The following MOXD1 variants were observed in gnomAD, a reference collection of about 807,000 sequenced individuals.
MOXD1 encodes the protein DBH-like monooxygenase protein 1.
MOXD1 carries 62 observed loss-of-function variants against 66.6 expected under a neutral mutation model. The ratio of observed to expected loss-of-function variants is 0.93; its 90% CI spans 0.76 to 1.15. The LOEUF is 1.15. Ranked by LOEUF, MOXD1 falls within the 50% of genes most tolerant of loss-of-function variation. MOXD1 has a pLI of 0.00. For synonymous variants in MOXD1, 303 were observed against 281.9 expected, an observed-to-expected ratio of 1.07 and a Z score of -0.75; for missense variants, 847 against 754.6, an observed-to-expected ratio of 1.12 and a Z score of -1.44.
At chr6:132,362,917 G>A (rs1435517473) in intron 4 of MOXD1, among the ~76,000 whole-genome samples, 2 of 151,108 alleles carry the variant, frequency 1.3e-5, no homozygotes, top group Non-Finnish European at 2.9e-5. Context: ...TTACTTTAAA[G>A]ACTTCCTAAA....
chr6:132,344,147 T>C (rs1408965253), intron 4 of MOXD1, among the ~76,000 whole-genome samples: 1 of 152,188 alleles, frequency 6.6e-6, no homozygotes, highest in Non-Finnish European at 1.5e-5. Flanking sequence ...GTTAGGGCAT[T>C]TTACTTTTCA....
chr6:132,341,793 T>G (rs1775568826), intron 4 of MOXD1, among the ~76,000 whole-genome samples: 1 of 152,250 alleles, frequency 6.6e-6, no homozygotes, highest in Admixed American at 6.5e-5. Flanking sequence ...GCTCAAGTTT[T>G]GTTTTCCCTG....
At chr6:132,357,217 C>T (rs1376917365) in intron 4 of MOXD1, among the ~76,000 whole-genome samples, 1 of 151,984 alleles carries the variant, frequency 6.6e-6, no homozygotes, top group Non-Finnish European at 1.5e-5. Context: ...CATAAAATAT[C>T]TCTTAGCACT....
chr6:132,337,788 C>T lies in MOXD1; in HGVS notation c.664-9194G>A, dbSNP rs114657767. On this transcript the variant is annotated intron_variant, in intron 4 of 11. Coordinates refer to ENST00000367963, the MANE Select transcript of MOXD1 (RefSeq NM_015529.4). ...ATGAACTGTAAGGTACCTTCTGTAC[C>T]TATATTAGCATATATAGTAATTATC... Among the ~76,000 whole-genome samples, 324 of 152,192 alleles carry T rather than the reference C, an allele frequency of 2.1e-3. 2 individuals are homozygous for T. The highest frequency in any genetic ancestry group is 7.6e-3 in the African/African-American group (315 of 41,522).
At chr6:132,356,111 C>A (rs964486957) in intron 4 of MOXD1, among the ~76,000 whole-genome samples, 1 of 152,118 alleles carries the variant, frequency 6.6e-6, no homozygotes, top group South Asian at 2.1e-4. Flanking sequence ...ACGCAAAGGA[C>A]GCTTCTGAGT....
At chr6:132,357,559 TA>T (rs34627666) in intron 4 of MOXD1, among the ~76,000 whole-genome samples, 35,404 of 151,910 alleles carry the variant, frequency 0.23, 4,643 homozygotes, top group African/African-American at 0.35. Flanking sequence ...ATATACCATA[TA>T]AAAATCTAGT....
chr6:132,327,815 T>C (rs1775220570), intron 6 of MOXD1, among the ~76,000 whole-genome samples, 198 bp downstream of exon 6: 1 of 152,238 alleles, frequency 6.6e-6, no homozygotes, highest in South Asian at 2.1e-4. Context: ...GGTTTGGTGC[T>C]GGTTAATGCC....
chr6:132,341,295 C>G lies in MOXD1; in HGVS notation c.664-12701G>C, dbSNP rs141648595. ...AACAAGGTGCCATCTTGGAATCGGA[C>G]AATAGCTTTCACCAGACAGCAGACA... On this transcript the variant is annotated intron_variant, in intron 4 of 11. Coordinates refer to ENST00000367963, the MANE Select transcript of MOXD1 (RefSeq NM_015529.4). 2.1e-3 allele frequency among the ~76,000 whole-genome samples: 327 copies of G among 152,278 alleles called. 2 individuals are homozygous for G. The highest frequency in any genetic ancestry group is 7.4e-3 in the African/African-American group (307 of 41,560).
At chr6:132,397,158 G>A (rs1776901188) in intron 1 of MOXD1, among the ~76,000 whole-genome samples, 1 of 152,234 alleles carries the variant, frequency 6.6e-6, no homozygotes, top group African/African-American at 2.4e-5. Context: ...CCTGCCAAGA[G>A]CCAACATCAA....
intron 4 of MOXD1, among the ~76,000 whole-genome samples, chr6:132,358,754 T>C (rs1011061471): frequency 5.9e-5 from 9 of 152,168 alleles, no homozygotes. Context: ...ATTTTATTAA[T>C]AAAGGTAATT....
intron 4 of MOXD1, among the ~76,000 whole-genome samples, chr6:132,347,953 A>T (rs1775700353): frequency 6.6e-6 from 1 of 152,102 alleles, no homozygotes; most frequent in Non-Finnish European, 1.5e-5. Flanking sequence ...TCTCATTTAT[A>T]GAACAGTTCC....
intron 10 of MOXD1, among the ~76,000 whole-genome samples, chr6:132,305,850 C>A (rs939777360): frequency 6.6e-6 from 1 of 152,140 alleles, no homozygotes; most frequent in African/African-American, 2.4e-5. Flanking sequence ...ACAAAAACCC[C>A]ATCCAAGGGT....
rs568194738 is a variant in MOXD1 at position 132,397,227 on chromosome 6, A to G, written c.264+3936T>C. Reference sequence around the variant, plus strand: ...ATATTCTTCCAACCACCCACTTTGGAGTTGTCCCCACCAAATTTCAGACTT... The same window carrying G: ...ATATTCTTCCAACCACCCACTTTGGGGTTGTCCCCACCAAATTTCAGACTT... On this transcript the variant is annotated intron_variant, in intron 1 of 11. Transcript: ENST00000367963. Among the ~76,000 whole-genome samples the G allele has an allele frequency of 2.6e-5, 4 of 152,332 alleles. No individual in the cohort carries two copies. In the South Asian group the frequency reaches 6.2e-4, roughly 24 times the overall value.
chr6:132,362,618 T>C (rs547666831), intron 4 of MOXD1, among the ~76,000 whole-genome samples: 1 of 152,314 alleles, frequency 6.6e-6, no homozygotes, highest in African/African-American at 2.4e-5. Flanking sequence ...TAGTATTTCT[T>C]CTCATGAGTA....
chr6:132,337,155 C>G (rs2114600870), intron 4 of MOXD1, among the ~76,000 whole-genome samples: 1 of 152,330 alleles, frequency 6.6e-6, no homozygotes, highest in Non-Finnish European at 1.5e-5. Context: ...TTTATTTACT[C>G]AAGTTTTCCT....
intron 10 of MOXD1, among the ~76,000 whole-genome samples, chr6:132,305,254 A>G (rs75605169): frequency 0.017 from 2,659 of 152,320 alleles, 77 homozygotes; most frequent in African/African-American, 0.059. Context: ...GCAGTCTTCC[A>G]CCAGAATGCC....
intron 1 of MOXD1, among the ~76,000 whole-genome samples, chr6:132,396,621 A>G (rs952808199): frequency 6.6e-6 from 1 of 152,104 alleles, no homozygotes; most frequent in African/African-American, 2.4e-5. Context: ...CAAACTTGAT[A>G]AACAACTTGC....
intron 4 of MOXD1, among the ~76,000 whole-genome samples, chr6:132,330,203 C>G (rs1775286842): frequency 6.6e-6 from 1 of 152,170 alleles, no homozygotes; most frequent in South Asian, 2.1e-4. Context: ...CTGTTAGGAA[C>G]TAGGCCGCAC....
chr6:132,312,530 A>G (rs72992865), intron 10 of MOXD1, among the ~76,000 whole-genome samples: 6,185 of 152,246 alleles, frequency 0.041, 184 homozygotes, highest in Non-Finnish European at 0.064. Context: ...TGTATTTTTA[A>G]ATAGAGGCTC....
Sources: gnomAD v4.1 joint callset for allele counts (sites outside exome capture counted in the v4.1 genomes callset) on GRCh38, gnomAD v4.1.1 for gene constraint, MANE v1.5 for transcripts, NCBI Gene and HGNC (gene_info 2026-07-23, HGNC 2026-07-21) for gene names.